SCHIP1: variants seen among roughly 807,000 people sequenced by gnomAD.
SCHIP1 encodes schwannomin-interacting protein 1.
A neutral mutation model predicts 29.7 loss-of-function variants in SCHIP1; 8 were observed. The ratio of observed to expected loss-of-function variants is 0.27; its 90% CI spans 0.16 to 0.49. The LOEUF is 0.49. SCHIP1 is among the 20% of genes least tolerant of loss of function. The probability of loss-of-function intolerance (pLI) is 0.99; values close to 1 mark genes in which losing one functional copy is unlikely to be tolerated. For missense variants in SCHIP1, 193 were observed against 294.6 expected, an observed-to-expected ratio of 0.66 and a Z score of 2.52; for synonymous variants, 76 against 94.9, an observed-to-expected ratio of 0.80 and a Z score of 1.16.
chr3:159,290,103 G>A, the SCHIP1 span, among the ~76,000 whole-genome samples: 1 of 152,078 alleles, frequency 6.6e-6, no homozygotes, highest in Admixed American at 6.6e-5. Flanking sequence ...GGGGAACTAA[G>A]TAATTTAGAA....
the SCHIP1 span, among the ~76,000 whole-genome samples, chr3:159,789,618 G>A: frequency 6.6e-6 from 1 of 152,078 alleles, no homozygotes; most frequent in Non-Finnish European, 1.5e-5. Flanking sequence ...TCTAGGGTTG[G>A]GCCCCAAAAT....
the SCHIP1 span, among the ~76,000 whole-genome samples, chr3:159,500,724 A>G: frequency 2.0e-5 from 3 of 151,900 alleles, no homozygotes; most frequent in Non-Finnish European, 4.4e-5. Flanking sequence ...AAAAAAAAAA[A>G]AGAAAAAAGA....
the SCHIP1 span, among the ~76,000 whole-genome samples, chr3:159,491,311 C>A: frequency 6.6e-6 from 1 of 152,218 alleles, no homozygotes; most frequent in Non-Finnish European, 1.5e-5. Flanking sequence ...CGAGGCATCG[C>A]CTCACCCAGG....
At chr3:159,772,047 C>T in the SCHIP1 span, among the ~76,000 whole-genome samples, 1 of 152,204 alleles carries the variant, frequency 6.6e-6, no homozygotes, top group Admixed American at 6.5e-5. Context: ...CCTGCATTTC[C>T]AGTTCCAGAC....
At chr3:159,525,971 C>A in the SCHIP1 span, among the ~76,000 whole-genome samples, 1 of 152,184 alleles carries the variant, frequency 6.6e-6, no homozygotes, top group Admixed American at 6.5e-5. Flanking sequence ...CTTGTAGTAA[C>A]ACCATATTTT....
the SCHIP1 span, among the ~76,000 whole-genome samples, chr3:159,720,218 G>A: frequency 7.7e-6 from 1 of 129,238 alleles, no homozygotes; most frequent in Non-Finnish European, 1.6e-5. Context: ...TCACACACCG[G>A]GGCCTATCGT....
chr3:159,803,411 C>G, the SCHIP1 span, among the ~76,000 whole-genome samples: 1 of 152,198 alleles, frequency 6.6e-6, no homozygotes, highest in Non-Finnish European at 1.5e-5. Context: ...AAGTCCTAAA[C>G]TTTAACTCTG....
chr3:159,273,590 G>A, the SCHIP1 span: 28 of 1,273,608 alleles, frequency 2.2e-5, no homozygotes, highest in African/African-American at 1.1e-4. Context: ...AAAAGCTCTC[G>A]CTCTTTTTTG....
chr3:159,487,900 T>C, the SCHIP1 span, among the ~76,000 whole-genome samples: 1 of 152,220 alleles, frequency 6.6e-6, no homozygotes, highest in East Asian at 1.9e-4. Context: ...CTATTTATGA[T>C]AAGTGACATG....
At chr3:159,273,428 T>C in the SCHIP1 span, 1 of 1,018,550 alleles carries the variant, frequency 9.8e-7, no homozygotes, top group South Asian at 4.1e-5. Flanking sequence ...TAGCATGAAG[T>C]GAATCGGCTG....
the SCHIP1 span, among the ~76,000 whole-genome samples, chr3:159,453,603 C>T: frequency 6.6e-6 from 1 of 152,096 alleles, no homozygotes; most frequent in Non-Finnish European, 1.5e-5. Context: ...TCTGTACTGC[C>T]TATCTTTGAG....
chr3:159,388,941 T>C, the SCHIP1 span, among the ~76,000 whole-genome samples: 1 of 152,136 alleles, frequency 6.6e-6, no homozygotes, highest in Non-Finnish European at 1.5e-5. Context: ...TACGAATTTA[T>C]TAAAGCATTA....
At chr3:159,566,951 T>C in the SCHIP1 span, among the ~76,000 whole-genome samples, 515 of 152,368 alleles carry the variant, frequency 3.4e-3, 2 homozygotes, top group African/African-American at 0.011. Context: ...TTATCAGCTT[T>C]TGAATTCCTG....
At chr3:159,742,843 T>C in the SCHIP1 span, among the ~76,000 whole-genome samples, 1 of 145,204 alleles carries the variant, frequency 6.9e-6, no homozygotes, top group South Asian at 2.2e-4. Flanking sequence ...AATTTTTTTT[T>C]TTTTTTTTTT....
the SCHIP1 span, among the ~76,000 whole-genome samples, chr3:159,728,023 G>T: frequency 1.3e-5 from 2 of 150,032 alleles, no homozygotes; most frequent in African/African-American, 4.9e-5. Context: ...TTTTAAAAAG[G>T]CAATCTGTAA....
At chr3:159,764,000 C>G in the SCHIP1 span, 3 of 153,310 alleles carry the variant, frequency 2.0e-5, no homozygotes, top group East Asian at 5.8e-4. Context: ...GTCTCAGCGC[C>G]TAGAGCGAGA....
At chr3:159,319,549 C>T in the SCHIP1 span, among the ~76,000 whole-genome samples, 3 of 152,146 alleles carry the variant, frequency 2.0e-5, no homozygotes, top group Admixed American at 2.0e-4. Flanking sequence ...TGGATTGTGA[C>T]TGAGAACTGG....
At chr3:159,890,167 A>G (rs1372931047) in intron 5 of SCHIP1, among the ~76,000 whole-genome samples, 1 of 152,186 alleles carries the variant, frequency 6.6e-6, no homozygotes, top group Non-Finnish European at 1.5e-5. Context: ...ATTTACAGAT[A>G]AAATAATGTG....
the SCHIP1 span, among the ~76,000 whole-genome samples, chr3:159,320,571 A>C: frequency 6.6e-6 from 1 of 152,016 alleles, no homozygotes; most frequent in Non-Finnish European, 1.5e-5. Flanking sequence ...TTTTGTACTT[A>C]AGAGCCATTT....
Sources: allele counts gnomAD v4.1 joint callset (sites outside exome capture counted in the v4.1 genomes callset), GRCh38; gene constraint gnomAD v4.1.1; transcripts MANE v1.5; gene names NCBI Gene and HGNC (gene_info 2026-07-23, HGNC 2026-07-21).